The following FGR variants were observed in gnomAD, a reference collection of about 807,000 sequenced individuals.
FGR encodes FGR proto-oncogene, Src family tyrosine kinase, also known as tyrosine-protein kinase Fgr.
Under a neutral mutation model 63.2 loss-of-function variants are expected in FGR, and 26 were observed. The ratio of observed to expected loss-of-function variants is 0.41; its 90% confidence interval spans 0.30 to 0.57. The LOEUF is 0.57. Ranked by LOEUF, FGR falls within the 20% of genes least tolerant of loss-of-function variation. FGR has a pLI of 0.27. For synonymous variants in FGR, 286 were observed against 277.7 expected (o/e 1.03, Z -0.30); for missense variants, 511 against 690.8 (o/e 0.74, Z 2.92).
intron 5 of FGR, among the ~76,000 whole-genome samples, chr1:27,618,494 C>T (rs926835675): frequency 9.9e-5 from 15 of 152,136 alleles, no homozygotes; most frequent in African/African-American, 3.4e-4. Context: ...CCACACTACC[C>T]GTAACCACAA....
chr1:27,613,001 C>T lies in FGR; in HGVS notation c.1503G>A (p.Glu501=), dbSNP rs1320727718. Residue 501 remains glutamate (E), a synonymous_variant, in exon 13 of 13, where the codon GAG becomes GAA. Coordinates refer to ENST00000374005, the MANE Select transcript of FGR (RefSeq NM_005248.3). The part of the protein sequence containing the change: ...MEQTWRLDPE[E]RPTFEYLQSF... ...ACTGCAGGTACTCGAAGGTAGGCCT[C>T]TCCTCCGGGTCCAGACGCCAGGTCT... 18 of 1,614,116 alleles carry T rather than the reference C, an allele frequency of 1.1e-5. No individual in the cohort carries two copies. The highest frequency in any genetic ancestry group is 2.7e-5 in the African/African-American group (2 of 74,934).
chr1:27,613,826 T>C (rs2089746345), intron 11 of FGR, among the ~76,000 whole-genome samples: 1 of 152,178 alleles, frequency 6.6e-6, no homozygotes, highest in South Asian at 2.1e-4. Flanking sequence ...ACACCTACTA[T>C]GTGTCTAGTA....
chr1:27,616,598 A>G lies in FGR; in HGVS notation c.682+259T>C, dbSNP rs2089817191. Among the ~76,000 whole-genome samples the G allele has an allele frequency of 1.3e-5, 2 of 152,208 alleles. No individual in the cohort carries two copies. The highest frequency in any genetic ancestry group is 4.1e-4 in the South Asian group (2 of 4,836). ...TTCAGGCGGCACAAACACTCCATCA[A>G]GTTTCCACAAATTGAGGCCTTGAGG... On this transcript the variant is annotated intron_variant, in intron 7 of 12. Transcript: ENST00000374005. This position sits in a 1 kb window ranked among gnomAD's most constrained non-coding sequence, Gnocchi z 4.3.
Position 27,615,386 on chromosome 1 carries a change from C to T in FGR, c.1018+48G>A, listed in dbSNP as rs781458005. On this transcript the variant is annotated intron_variant, in intron 9 of 12. Transcript: ENST00000374005. This position sits in a 1 kb window ranked among gnomAD's most constrained non-coding sequence, Gnocchi z 7.6. ...CCAGGTCCCACGCCTGAAAACTCCCCTCTTAACTTCACCCCGAATCCCGCC... is the reference window on the plus strand; with the variant it reads ...CCAGGTCCCACGCCTGAAAACTCCCTTCTTAACTTCACCCCGAATCCCGCC... 7 of 1,570,028 alleles carry T rather than the reference C, an allele frequency of 4.5e-6. No individual in the cohort carries two copies. The South Asian group carries it at 8.1e-5, about 18-fold the overall frequency.
chr1:27,624,024 A>C, intron 2 of FGR, 95 bp from the exon 3 acceptor site: 1 of 1,108,066 alleles, frequency 9.0e-7, no homozygotes, highest in Middle Eastern at 3.1e-4. Context: ...TCATACAGGC[A>C]CGTGGCTTTC....
In FGR at chr1:27,615,624, G is replaced by A. The variant is rs2089792620; in HGVS notation, c.839-11C>T. On this transcript the variant is annotated splice_polypyrimidine_tract_variant and intron_variant, in intron 8 of 12. Coordinates refer to ENST00000374005, the MANE Select transcript of FGR (RefSeq NM_005248.3). This position sits in a 1 kb window ranked among gnomAD's most constrained non-coding sequence, Gnocchi z 7.6. ...TGCCGTTCCACGTGCCTGCTCGGAG[G>A]CTGTCTTGTCAGGACCCTCTCCCCC... The A allele has an allele frequency of 6.2e-7, 1 of 1,602,992 alleles. No individual in the cohort carries two copies. The highest frequency in any genetic ancestry group is 8.5e-7 in the Non-Finnish European group (1 of 1,170,996).
At position 27,614,545 on chromosome 1, in the gene FGR, G is replaced by A; in HGVS notation, c.1134C>T (p.Tyr378=). ...TGGCTGCCCTCAGGTCGCGGTGAAT[G>A]TAGTTCATGCGTTCCATGTAGGCCA... The part of the protein sequence containing the change: ...EGMAYMERMN[Y]IHRDLRAANI... Residue 378 remains tyrosine, a synonymous_variant, in exon 11 of 13, where the codon TAC becomes TAT. Transcript: ENST00000374005. 1 of 1,614,142 alleles carries A rather than the reference G, an allele frequency of 6.2e-7. No individual in the cohort carries two copies. The highest frequency in any genetic ancestry group is 8.5e-7 in the Non-Finnish European group (1 of 1,179,992).
In FGR at chr1:27,617,224, G is replaced by C. The variant is rs772204022; in HGVS notation, c.501C>G (p.Ala167=). The change falls in exon 6 of 13, where the codon GCC becomes GCG. Residue 167 remains alanine (A), a synonymous_variant. Coordinates refer to ENST00000374005, the MANE Select transcript of FGR (RefSeq NM_005248.3). The surrounding 1 kb of genome is among the most constrained non-coding windows in gnomAD (Gnocchi z 4.5). ...TGGTCTCGCTTTCCCGAATGAGAAAGGCCCCCTGGGGGTTGCCTGGTGAAA... is the reference window on the plus strand; with the variant it reads ...TGGTCTCGCTTTCCCGAATGAGAAACGCCCCCTGGGGGTTGCCTGGTGAAA... ...QLLSPGNPQG[A]FLIRESETTK... The C allele has an allele frequency of 1.2e-5, 19 of 1,614,064 alleles. No individual in the cohort carries two copies. The highest frequency in any genetic ancestry group is 1.7e-5 in the Admixed American group (1 of 60,016).
At position 27,619,468 on chromosome 1, in the gene FGR, T is replaced by C. The variant is rs113178235; in HGVS notation, c.428+2091A>G. Among the ~76,000 whole-genome samples, 457 of 152,302 alleles carry C rather than the reference T, an allele frequency of 3.0e-3. 3 individuals carry two copies. Among genetic ancestry groups the C allele is most frequent in the African/African-American group, 0.01 (429 of 41,572 alleles). On this transcript the variant is annotated intron_variant, in intron 5 of 12. Coordinates refer to ENST00000374005, the MANE Select transcript of FGR (RefSeq NM_005248.3). ...GGCCTCCCAAAGTGCTGGGATTACA[T>C]GCATGTGTCACCGCCCCCAGCCCCC...
intron 5 of FGR, among the ~76,000 whole-genome samples, chr1:27,618,489 C>A: frequency 6.6e-6 from 1 of 152,268 alleles, no homozygotes; most frequent in South Asian, 2.1e-4. Context: ...CCTAACCACA[C>A]TACCCGTAAC....
At chr1:27,614,793 T>C (rs2148523793) in intron 10 of FGR, 57 bp downstream of exon 10, 3 of 1,497,682 alleles carry the variant, frequency 2.0e-6, no homozygotes, top group South Asian at 1.2e-5. Flanking sequence ...GGACAGAGAA[T>C]TTGTGAACAG....
chr1:27,622,559 G>T (rs1340170166), intron 4 of FGR, among the ~76,000 whole-genome samples: 1 of 151,814 alleles, frequency 6.6e-6, no homozygotes, highest in East Asian at 1.9e-4. Flanking sequence ...AGGCTGGAGT[G>T]CAGTGGTGCA....
At chr1:27,634,432 C>G (rs1312971116) in intron 1 of FGR, among the ~76,000 whole-genome samples, 1 of 152,160 alleles carries the variant, frequency 6.6e-6, no homozygotes, top group Admixed American at 6.5e-5. Context: ...AAGGGCGGGC[C>G]GAGAGGGTCG....
chr1:27,621,691 C>T, intron 4 of FGR, 34 bp from the exon 5 acceptor site: 1 of 1,529,076 alleles, frequency 6.5e-7, no homozygotes, highest in Non-Finnish European at 9.1e-7. Context: ...GTCAGCAGCA[C>T]CTCCAGCCCC....
chr1:27,619,827 A>T (rs1046108157), intron 5 of FGR, among the ~76,000 whole-genome samples: 7 of 152,240 alleles, frequency 4.6e-5, no homozygotes, highest in Admixed American at 6.5e-5. Flanking sequence ...TCATCCACCC[A>T]GCTCCTTAAG....
At position 27,614,443 on chromosome 1, in the gene FGR, G is replaced by A. The variant is rs766362704; in HGVS notation, c.1236C>T (p.Tyr412=). 11 of 1,613,226 alleles carry A rather than the reference G, an allele frequency of 6.8e-6. No individual in the cohort carries two copies. The East Asian group carries it at 2.0e-4, about 29-fold the overall frequency. ...GAAGCAGGGCACCTTGGCAGGGGTT[G>A]TACTCATCGTCCTTGATGAGACGCG... ...GLARLIKDDE[Y]NPCQGSKFPI... is the part of the protein sequence containing the mutation. Residue 412 remains tyrosine (Y), a synonymous_variant, in exon 11 of 13, where the codon TAC becomes TAT. Transcript: ENST00000374005.
chr1:27,627,576 A>T (rs74638049), intron 1 of FGR, among the ~76,000 whole-genome samples: 2,122 of 152,202 alleles, frequency 0.014, 52 homozygotes, highest in African/African-American at 0.048. Flanking sequence ...CATTTTATCC[A>T]CACAACCCTA....
chr1:27,622,349 T>C (rs1437835359), intron 4 of FGR, among the ~76,000 whole-genome samples: 1 of 151,252 alleles, frequency 6.6e-6, no homozygotes. Context: ...CTAGCCTCTG[T>C]TCTCTCCCAT....
At chr1:27,625,984 C>T (rs528816200) in intron 1 of FGR, 4 of 400,314 alleles carry the variant, frequency 1.0e-5, no homozygotes, top group East Asian at 3.6e-5. Context: ...TCCTCTGAAC[C>T]CTGCTGTGCT....
Sources: allele counts gnomAD v4.1 joint callset (sites outside exome capture counted in the v4.1 genomes callset), GRCh38; gene constraint gnomAD v4.1.1; non-coding constraint Gnocchi (gnomAD v3.1); transcripts MANE v1.5; gene names NCBI Gene and HGNC (gene_info 2026-07-23, HGNC 2026-07-21).